Variants in OR2A14 observed in about 807,000 individuals in gnomAD.
OR2A14 encodes the protein olfactory receptor 2A14.
In OR2A14, 2 loss-of-function variants were observed where a neutral mutation model predicts 2.4. The observed-to-expected ratio is 0.85, with a 90% CI of 0.35 to 2.67. OR2A14 has a LOEUF of 2.67. Ranked by LOEUF, OR2A14 falls within the 30% of genes most tolerant of loss-of-function variation. The pLI, the probability that OR2A14 is intolerant of heterozygous loss-of-function variation, is 0.10. For missense variants in OR2A14, 390 were observed against 379.4 expected (o/e 1.03, Z -0.23); for synonymous variants, 160 against 156.3 (o/e 1.02, Z -0.18).
chr7:144,129,382 C>T lies in OR2A14; in HGVS notation c.270C>T (p.Thr90=). Residue 90 remains threonine, a synonymous_variant, in exon 2 of 2, where the codon ACC becomes ACT. Transcript: ENST00000641068. ...MLTNLMNQES[T]ISFFPCIMQT... ...CGAATCTTATGAACCAGGAAAGCAC[C>T]ATCTCCTTTTTTCCATGCATAATGC... The T allele has an allele frequency of 1.2e-6, 2 of 1,614,158 alleles. No individual in the cohort carries two copies. The highest frequency in any genetic ancestry group is 1.1e-5 in the South Asian group (1 of 91,078).
intron 1 of OR2A14, among the ~76,000 whole-genome samples, chr7:144,123,603 T>G (rs1230865408): frequency 6.6e-6 from 1 of 152,190 alleles, no homozygotes; most frequent in African/African-American, 2.4e-5. Flanking sequence ...AGGGCTCCAA[T>G]GATTGTCAGG....
intron 1 of OR2A14, among the ~76,000 whole-genome samples, chr7:144,127,851 A>G (rs942749110): frequency 6.6e-6 from 1 of 152,330 alleles, no homozygotes; most frequent in South Asian, 2.1e-4. Flanking sequence ...GAACAGCACC[A>G]GGTCACATGG....
chr7:144,125,918 A>C (rs1201540859), intron 1 of OR2A14, among the ~76,000 whole-genome samples: 1 of 152,182 alleles, frequency 6.6e-6, no homozygotes, highest in African/African-American at 2.4e-5. Context: ...TAAAGCATCC[A>C]AATGCCTGCT....
Position 144,129,686 on chromosome 7 carries a change from T to A in OR2A14, c.574T>A (p.Trp192Arg). ...SVLKLACADT[W>R]LNQVVIFAAC... ...CCTCAAGTTGGCCTGTGCTGACACCTGGCTCAACCAGGTGGTCATCTTTGC... is the reference window on the plus strand; with the variant it reads ...CCTCAAGTTGGCCTGTGCTGACACCAGGCTCAACCAGGTGGTCATCTTTGC... The change falls in exon 2 of 2, where the codon TGG becomes AGG. Residue 192 changes from tryptophan (W) to arginine (R), a missense_variant. Transcript: ENST00000641068. The A allele has an allele frequency of 6.2e-7, 1 of 1,614,186 alleles. No individual in the cohort carries two copies. The highest frequency in any genetic ancestry group is 8.5e-7 in the Non-Finnish European group (1 of 1,180,032).
intron 1 of OR2A14, among the ~76,000 whole-genome samples, chr7:144,127,256 G>T (rs1415956935): frequency 6.6e-6 from 1 of 152,194 alleles, no homozygotes; most frequent in Non-Finnish European, 1.5e-5. Context: ...ATAAGTTACA[G>T]AACATTGTTT....
chr7:144,128,601 G>A (rs4282489), intron 1 of OR2A14, among the ~76,000 whole-genome samples: 51,082 of 152,006 alleles, frequency 0.34, 9,848 homozygotes, highest in East Asian at 0.74. Context: ...CCTGTGAGGA[G>A]GTGAGGGACA....
chr7:144,129,389 T>C lies in OR2A14; in HGVS notation c.277T>C (p.Phe93Leu). 1 of 1,614,172 alleles carries C rather than the reference T, an allele frequency of 6.2e-7. No individual in the cohort carries two copies. Among genetic ancestry groups the C allele is most frequent in the Non-Finnish European group, 8.5e-7 (1 of 1,179,990 alleles). The part of the protein sequence containing the change: ...NLMNQESTIS[F>L]FPCIMQTFLY... ...TATGAACCAGGAAAGCACCATCTCC[T>C]TTTTTCCATGCATAATGCAGACATT... Residue 93 changes from phenylalanine (F) to leucine (L), a missense_variant, in exon 2 of 2, where the codon TTT (phenylalanine) becomes CTT (leucine). Coordinates refer to ENST00000641068, the MANE Select transcript of OR2A14 (RefSeq NM_001001659.3).
At position 144,131,141 on chromosome 7, in the gene OR2A14, T is replaced by C. The variant is rs2128807628; in HGVS notation, c.*1096T>C. The stretch of plus-strand genomic sequence containing the variant: ...TTTCCTCCTTTGACACTTTCTAAAA[T>C]ATGCCATGACTCAATAGCCAGTGGA... On this transcript the variant is annotated 3_prime_UTR_variant, in exon 2 of 2. Coordinates refer to ENST00000641068, the MANE Select transcript of OR2A14 (RefSeq NM_001001659.3). 6.6e-6 allele frequency: 1 copy of C among 152,362 alleles called. No individual in the cohort carries two copies. Among genetic ancestry groups the C allele is most frequent in the Middle Eastern group, 3.4e-3 (1 of 294 alleles). 9.4% of individuals were successfully genotyped at this position (152,362 alleles called of 1,614,324 possible).
chr7:144,128,274 A>C (rs1369826100), intron 1 of OR2A14, among the ~76,000 whole-genome samples: 1 of 152,182 alleles, frequency 6.6e-6, no homozygotes, highest in Non-Finnish European at 1.5e-5. Flanking sequence ...TTTCTTTTGA[A>C]TTTCTTATTT....
chr7:144,126,753 C>T (rs1026446458), intron 1 of OR2A14, among the ~76,000 whole-genome samples: 9 of 151,974 alleles, frequency 5.9e-5, no homozygotes, highest in Non-Finnish European at 1.3e-4. Flanking sequence ...ATGAAAGAAT[C>T]GGATATAATT....
In OR2A14 at chr7:144,129,108, A is replaced by G. The variant is rs1313260158; in HGVS notation, c.-5A>G. 1 of 1,609,594 alleles carries G rather than the reference A, an allele frequency of 6.2e-7. No homozygotes were observed. Among genetic ancestry groups the G allele is most frequent in the South Asian group, 1.1e-5 (1 of 90,434 alleles). ...GACCTTCCTGTCCTAGATGTCCACAAGAGCATGGAAGGCAACAAGACATGG... is the reference window on the plus strand; with the variant it reads ...GACCTTCCTGTCCTAGATGTCCACAGGAGCATGGAAGGCAACAAGACATGG... On this transcript the variant is annotated 5_prime_UTR_variant, in exon 2 of 2. Transcript: ENST00000641068.
chr7:144,123,734 A>G (rs1337068680), intron 1 of OR2A14, among the ~76,000 whole-genome samples: 3 of 152,180 alleles, frequency 2.0e-5, no homozygotes, highest in Non-Finnish European at 2.9e-5. Context: ...CTAACTGCCT[A>G]GTCCTGCACA....
chr7:144,128,348 T>C (rs2051497976), intron 1 of OR2A14, among the ~76,000 whole-genome samples: 1 of 152,196 alleles, frequency 6.6e-6, no homozygotes. Flanking sequence ...ATTCATTGTA[T>C]GTAGCCAAGA....
intron 1 of OR2A14, among the ~76,000 whole-genome samples, chr7:144,126,771 G>A (rs1346305126): frequency 6.6e-6 from 1 of 152,030 alleles, no homozygotes; most frequent in Non-Finnish European, 1.5e-5. Flanking sequence ...ATTCAAAAAG[G>A]TATTTTATTA....
chr7:144,130,037 C>G lies in OR2A14; in HGVS notation c.925C>G (p.Leu309Val). 6.2e-7 allele frequency: 1 copy of G among 1,610,200 alleles called. No homozygotes were observed. The highest frequency in any genetic ancestry group is 8.5e-7 in the Non-Finnish European group (1 of 1,177,460). ...GAGGAGGGCACTGAGGAAGGAGAGG[C>G]TGACGTGAGACATCTCAAAGGGAAC... ...ALRRALRKER[L>V]T The change falls in exon 2 of 2, where the codon CTG (leucine) becomes GTG (valine). Residue 309 changes from leucine (L) to valine (V), a missense_variant. Physicochemically the swap from Leu to Val is conservative, Grantham distance 32. Coordinates refer to ENST00000641068, the MANE Select transcript of OR2A14 (RefSeq NM_001001659.3).
chr7:144,129,344 C>T lies in OR2A14; in HGVS notation c.232C>T (p.Pro78Ser). 6.2e-7 allele frequency: 1 copy of T among 1,614,158 alleles called. No individual in the cohort carries two copies. Among genetic ancestry groups the T allele is most frequent in the Non-Finnish European group, 8.5e-7 (1 of 1,180,010 alleles). The change falls in exon 2 of 2, where the codon CCC becomes TCC. Residue 78 changes from proline to serine, a missense_variant. By Grantham distance (74) the Pro-to-Ser change is moderately conservative (BLOSUM62 -1). Coordinates refer to ENST00000641068, the MANE Select transcript of OR2A14 (RefSeq NM_001001659.3). Reference protein sequence around the residue: ...VDISYASNYVPKMLTNLMNQE... With the variant: ...VDISYASNYVSKMLTNLMNQE... ...CATATCCTATGCTTCCAACTATGTC[C>T]CCAAGATGCTGACGAATCTTATGAA... is the stretch of plus-strand genomic sequence containing the variant.
intron 1 of OR2A14, among the ~76,000 whole-genome samples, chr7:144,124,117 T>G (rs1287037012): frequency 2.0e-5 from 3 of 152,120 alleles, no homozygotes; most frequent in Non-Finnish European, 4.4e-5. Flanking sequence ...AAAGCCAGGA[T>G]CTGAACCCAG....
At position 144,130,077 on chromosome 7, in the gene OR2A14, C is replaced by G. The variant is rs927806140; in HGVS notation, c.*32C>G. 6.5e-7 allele frequency: 1 copy of G among 1,528,944 alleles called. No homozygotes were observed. Among genetic ancestry groups the G allele is most frequent in the East Asian group, 2.3e-5 (1 of 44,254 alleles). The allele number at this position is 1,528,944 out of a possible 1,614,324, so 94.7% of individuals were successfully genotyped here. On this transcript the variant is annotated 3_prime_UTR_variant, in exon 2 of 2. Coordinates refer to ENST00000641068, the MANE Select transcript of OR2A14 (RefSeq NM_001001659.3). ...TCAAAGGGAACCATGGGGAGGGAGCCTTGCTCCCTGCAAAATATAGAAGTT... is the reference window on the plus strand; with the variant it reads ...TCAAAGGGAACCATGGGGAGGGAGCGTTGCTCCCTGCAAAATATAGAAGTT...
chr7:144,127,331 T>C (rs1248502055), intron 1 of OR2A14, among the ~76,000 whole-genome samples: 2 of 152,212 alleles, frequency 1.3e-5, no homozygotes, highest in Non-Finnish European at 2.9e-5. Flanking sequence ...CAAAGAGACA[T>C]GATTCTTACA....
Sources: gnomAD v4.1 joint callset for allele counts (sites outside exome capture counted in the v4.1 genomes callset) on GRCh38, gnomAD v4.1.1 for gene constraint, MANE v1.5 for transcripts, NCBI Gene and HGNC (gene_info 2026-07-23, HGNC 2026-07-21) for gene names.